ANTXRL: variants seen among roughly 807,000 people sequenced by gnomAD.
The protein encoded by ANTXRL is ANTXR like, also known as anthrax toxin receptor-like.
ANTXRL carries 63 observed loss-of-function variants against 75.4 expected under a neutral mutation model. The ratio of observed to expected loss-of-function variants is 0.84; its 90% CI spans 0.68 to 1.03. ANTXRL has a LOEUF of 1.03. Among genes scored for constraint, ANTXRL ranks in the 50% least tolerant of loss-of-function variants. The pLI, the probability that ANTXRL is intolerant of heterozygous loss-of-function variation, is 0.00. For missense variants in ANTXRL, 797 were observed against 789.4 expected, an observed-to-expected ratio of 1.01 and a Z score of -0.12; for synonymous variants, 335 against 291.3, an observed-to-expected ratio of 1.15 and a Z score of -1.53.
At chr10:46,309,077 C>G in intron 12 of ANTXRL, 36 bp from the exon 13 acceptor site, 2 of 1,535,478 alleles carry the variant, frequency 1.3e-6, no homozygotes, top group South Asian at 1.2e-5. Flanking sequence ...GAAGAGGCCA[C>G]CGAGGCCCTC....
In ANTXRL at chr10:46,293,907, G is replaced by T. The variant is rs1554957702; in HGVS notation, c.392+7G>T. 6.5e-7 allele frequency: 1 copy of T among 1,535,452 alleles called. No homozygotes were observed. Among genetic ancestry groups the T allele is most frequent in the African/African-American group, 1.4e-5 (1 of 73,100 alleles). On this transcript the variant is annotated splice_region_variant and intron_variant, in intron 3 of 16. Coordinates refer to ENST00000620264, the MANE Select transcript of ANTXRL (RefSeq NM_001278688.3). Reference sequence around the variant, plus strand: ...TGCCACTCACCTCAGACAAGTGAGTGCTGCTTTGAGCCCCAAAGGGAGGCC... The same window carrying T: ...TGCCACTCACCTCAGACAAGTGAGTTCTGCTTTGAGCCCCAAAGGGAGGCC...
At chr10:46,298,851 G>C (rs1196691672) in intron 9 of ANTXRL, among the ~76,000 whole-genome samples, 1 of 151,650 alleles carries the variant, frequency 6.6e-6, no homozygotes, top group African/African-American at 2.4e-5. Context: ...GGTGGGTTGA[G>C]TGTGTTTGTG....
At chr10:46,328,788 T>A (rs1839350022) in intron 16 of ANTXRL, among the ~76,000 whole-genome samples, 1 of 152,028 alleles carries the variant, frequency 6.6e-6, no homozygotes, top group South Asian at 2.1e-4. Context: ...GGGTGACCAA[T>A]CTGTGTTTGG....
At chr10:46,327,832 G>A (rs1225885630) in intron 16 of ANTXRL, among the ~76,000 whole-genome samples, 3 of 152,140 alleles carry the variant, frequency 2.0e-5, no homozygotes, top group South Asian at 4.1e-4. Context: ...GCCGGGAAGG[G>A]TGGCCTTGAG....
chr10:46,313,112 G>T (rs1838523470), intron 15 of ANTXRL, 124 bp from the exon 16 acceptor site: 6 of 875,608 alleles, frequency 6.9e-6, no homozygotes, highest in African/African-American at 1.7e-5. Context: ...TCCCCCAGAG[G>T]GGGATGGGAG....
intron 10 of ANTXRL, among the ~76,000 whole-genome samples, chr10:46,305,736 C>G (rs1554961722): frequency 6.6e-6 from 1 of 151,976 alleles, no homozygotes; most frequent in Non-Finnish European, 1.5e-5. Flanking sequence ...GAGCCCACCA[C>G]ACTCCCACAA....
Position 46,310,448 on chromosome 10 carries a change from T to C in ANTXRL, c.1135-13T>C, listed in dbSNP as rs1340262981. ...CCCATCCAGCCTGTGTTTGTCTCTT[T>C]TGAACATTCTAGACTGTCAAGGAGC... is the stretch of plus-strand genomic sequence containing the variant. On this transcript the variant is annotated splice_polypyrimidine_tract_variant and intron_variant, in intron 13 of 16. Transcript: ENST00000620264. 2 of 1,536,136 alleles carry C rather than the reference T, an allele frequency of 1.3e-6. No individual in the cohort carries two copies. The highest frequency in any genetic ancestry group is 1.4e-5 in the African/African-American group (1 of 72,962).
At chr10:46,287,858 T>C (rs1267615191) in intron 1 of ANTXRL, among the ~76,000 whole-genome samples, 1 of 152,092 alleles carries the variant, frequency 6.6e-6, no homozygotes, top group Non-Finnish European at 1.5e-5. Context: ...ACTGCGGATG[T>C]TTGGGGTTTC....
At position 46,311,648 on chromosome 10, in the gene ANTXRL, G is replaced by T. The variant is rs544195689; in HGVS notation, c.1312G>T (p.Gly438Trp). ...ICCCGCQGVGGMRRIEGNLDT... is the reference protein window; with the variant it reads ...ICCCGCQGVGWMRRIEGNLDT... ...TTGCTGTGGATGCCAAGGAGTGGGC[G>T]GGATGAGAAGGATAGAGGTGAGAAG... Residue 438 changes from glycine (G) to tryptophan (W), a missense_variant, in exon 15 of 17, where the codon GGG becomes TGG. This residue lies in a region of ANTXRL where 479 missense variants were observed against 422.0 expected (regional missense o/e 1.14). Transcript: ENST00000620264. 39 of 1,130,376 alleles carry T rather than the reference G, an allele frequency of 3.5e-5. No homozygotes were observed. Among genetic ancestry groups the T allele is most frequent in the South Asian group, 2.6e-4 (20 of 76,046 alleles). The allele number at this position is 1,130,376 out of a possible 1,614,324, so 70.0% of individuals were successfully genotyped here.
Position 46,313,306 on chromosome 10 carries a change from G to A in ANTXRL, c.1400G>A (p.Ser467Asn), listed in dbSNP as rs1290395070. The A allele has an allele frequency of 9.8e-6, 15 of 1,535,908 alleles. No homozygotes were observed. Among genetic ancestry groups the A allele is most frequent in the Non-Finnish European group, 1.3e-5 (15 of 1,146,722 alleles). ...CAGGTGCCATGGATGTGTTGTCAGA[G>A]CAGGGACCAGGTGAGCTAGGGCACA... ...CHQVPWMCCQ[S>N]RDQGRYLSLA... is the part of the protein sequence containing the mutation. Residue 467 changes from serine (S) to asparagine (N), a missense_variant, in exon 16 of 17, where the codon AGC becomes AAC. Physicochemically the swap from Ser to Asn is conservative, Grantham distance 46. This residue lies in a region of ANTXRL where 479 missense variants were observed against 422.0 expected (regional missense o/e 1.14). Transcript: ENST00000620264.
At chr10:46,300,250 A>G (rs2132714437) in intron 9 of ANTXRL, among the ~76,000 whole-genome samples, 1 of 152,304 alleles carries the variant, frequency 6.6e-6, no homozygotes, top group Middle Eastern at 3.4e-3. Context: ...GGAGGGTGAC[A>G]GTCACAGGAG....
chr10:46,289,639 G>C (rs58583971), intron 1 of ANTXRL, among the ~76,000 whole-genome samples: 2 of 152,026 alleles, frequency 1.3e-5, no homozygotes, highest in African/African-American at 4.8e-5. Context: ...TGAGGCAGGA[G>C]GATCGCTTGA....
chr10:46,329,729 T>A lies in ANTXRL; in HGVS notation c.1541T>A (p.Leu514Gln). 6.5e-7 allele frequency: 1 copy of A among 1,535,192 alleles called. No homozygotes were observed. Among genetic ancestry groups the A allele is most frequent in the East Asian group, 2.4e-5 (1 of 40,906 alleles). Reference sequence around the variant, plus strand: ...GCTCCCTGCAGCCCAAGGATGTGCCTGAGACACAGCCGGGAGTGCCTCGCC... The same window carrying A: ...GCTCCCTGCAGCCCAAGGATGTGCCAGAGACACAGCCGGGAGTGCCTCGCC... The part of the protein sequence containing the change: ...PQAPCSPRMC[L>Q]RHSRECLALK... The change falls in exon 17 of 17, where the codon CTG becomes CAG. Residue 514 changes from leucine to glutamine, a missense_variant. Leu to Gln is a moderately radical substitution (Grantham distance 113). Coordinates refer to ENST00000620264, the MANE Select transcript of ANTXRL (RefSeq NM_001278688.3).
At chr10:46,311,781 G>A (rs1838442849) in intron 15 of ANTXRL, 116 bp downstream of exon 15, 2 of 576,120 alleles carry the variant, frequency 3.5e-6, no homozygotes, top group South Asian at 4.3e-5. Context: ...CTCTACAGGG[G>A]CTGGACTTTG....
rs1180265701 is a variant in ANTXRL, at chr10:46,310,507, G to A, written c.1173+8G>A. The A allele has an allele frequency of 3.9e-6, 6 of 1,536,038 alleles. No homozygotes were observed. The highest frequency in any genetic ancestry group is 1.4e-5 in the African/African-American group (1 of 72,964). On this transcript the variant is annotated splice_region_variant and intron_variant, in intron 14 of 16. Coordinates refer to ENST00000620264, the MANE Select transcript of ANTXRL (RefSeq NM_001278688.3). ...GTGCAGAAGCCAGAAAAGGTAAGTT[G>A]CAGTTCTGGTCCCGATATTGTCACA...
chr10:46,316,966 C>T (rs1838762236), intron 16 of ANTXRL, among the ~76,000 whole-genome samples: 1 of 152,096 alleles, frequency 6.6e-6, no homozygotes, highest in African/African-American at 2.4e-5. Context: ...TGTGAGTGCA[C>T]ACTGCAAGGA....
intron 11 of ANTXRL, 65 bp downstream of exon 11, chr10:46,306,937 G>T: frequency 1.5e-6 from 2 of 1,376,206 alleles, no homozygotes; most frequent in Non-Finnish European, 1.9e-6. Flanking sequence ...GCACCTTGAG[G>T]TGTACAAAAT....
At chr10:46,288,862 G>A (rs1554955846) in intron 1 of ANTXRL, among the ~76,000 whole-genome samples, 1 of 152,138 alleles carries the variant, frequency 6.6e-6, no homozygotes, top group Admixed American at 6.5e-5. Flanking sequence ...TGCCTAGAGT[G>A]GATGTAAAGG....
In ANTXRL at chr10:46,311,504, T is replaced by C. The variant is rs1554963460; in HGVS notation, c.1174-6T>C. On this transcript the variant is annotated splice_polypyrimidine_tract_variant and splice_region_variant and intron_variant, in intron 14 of 16. Coordinates refer to ENST00000620264, the MANE Select transcript of ANTXRL (RefSeq NM_001278688.3). ...TGTGAGCAGACAGTTGTTTTTCTTT[T>C]TTTAGGAGCCAGAGCAGGAAAAACC... 7 of 1,527,642 alleles carry C rather than the reference T, an allele frequency of 4.6e-6. No homozygotes were observed. The East Asian group carries it at 1.5e-4, about 32-fold the overall frequency. 94.6% of individuals were successfully genotyped at this position (1,527,642 alleles called of 1,614,324 possible).
Sources: allele counts gnomAD v4.1 joint callset (sites outside exome capture counted in the v4.1 genomes callset), GRCh38; gene constraint gnomAD v4.1.1; regional missense constraint gnomAD v4.1.1; transcripts MANE v1.5; gene names NCBI Gene and HGNC (gene_info 2026-07-23, HGNC 2026-07-21).